CFAP61: variants seen among roughly 807,000 people sequenced by gnomAD.
CFAP61 encodes cilia and flagella associated protein 61, also known as cilia- and flagella-associated protein 61.
Under a neutral mutation model 135.6 loss-of-function variants are expected in CFAP61, and 107 were observed. That is an observed-to-expected ratio of 0.79 (90% CI 0.67 to 0.93). The LOEUF is 0.93. CFAP61 is among the 40% of genes least tolerant of loss of function. The pLI, the probability that CFAP61 is intolerant of heterozygous loss-of-function variation, is 0.00. For synonymous variants in CFAP61, 575 were observed against 578.5 expected (o/e 0.99, Z 0.09); for missense variants, 1,507 against 1,556.2 (o/e 0.97, Z 0.53).
chr20:20,175,694 ATTT>A (rs11087313), intron 13 of CFAP61, among the ~76,000 whole-genome samples: 2 of 149,640 alleles, frequency 1.3e-5, no homozygotes, highest in African/African-American at 4.9e-5. Flanking sequence ...ACCTGACTAA[ATTT>A]TTTTTTTTTA....
chr20:20,346,714 A>T (rs1339525512), intron 26 of CFAP61, among the ~76,000 whole-genome samples: 1 of 152,232 alleles, frequency 6.6e-6, no homozygotes, highest in African/African-American at 2.4e-5. Flanking sequence ...TTTACGAAAG[A>T]TATAACAATT....
chr20:20,299,680 A>C (rs960856066), intron 25 of CFAP61, among the ~76,000 whole-genome samples: 2 of 152,216 alleles, frequency 1.3e-5, no homozygotes, highest in Non-Finnish European at 2.9e-5. Context: ...TCTGTTTAGC[A>C]CGGTGTTTGT....
At chr20:20,253,800 C>T (rs905039015) in intron 20 of CFAP61, 10 of 207,716 alleles carry the variant, frequency 4.8e-5, no homozygotes, top group African/African-American at 1.9e-4. Context: ...TTGAACCTCT[C>T]GATTTGCCTG....
intron 25 of CFAP61, among the ~76,000 whole-genome samples, chr20:20,326,658 T>C (rs2057758375): frequency 6.6e-6 from 1 of 152,210 alleles, no homozygotes. Context: ...CCAAAATCTT[T>C]TTCTACAGAG....
intron 25 of CFAP61, among the ~76,000 whole-genome samples, chr20:20,327,860 G>A (rs6081961): frequency 1 from 149,788 of 149,788 alleles, 74,894 homozygotes; most frequent in Non-Finnish European, 1. Context: ...AGGATTTCTT[G>A]CAAATCTTTC....
chr20:20,343,568 A>G (rs2058526060), intron 26 of CFAP61, among the ~76,000 whole-genome samples: 1 of 152,202 alleles, frequency 6.6e-6, no homozygotes, highest in African/African-American at 2.4e-5. Flanking sequence ...GCAGGAGGCC[A>G]ACCTAACTGG....
intron 8 of CFAP61, among the ~76,000 whole-genome samples, chr20:20,138,347 C>T (rs1017002575): frequency 6.6e-6 from 1 of 152,162 alleles, no homozygotes; most frequent in Non-Finnish European, 1.5e-5. Flanking sequence ...TATTTAGGAC[C>T]CCAGAGCACT....
intron 25 of CFAP61, among the ~76,000 whole-genome samples, chr20:20,298,910 T>C (rs1436386170): frequency 6.6e-6 from 1 of 152,218 alleles, no homozygotes; most frequent in Non-Finnish European, 1.5e-5. Flanking sequence ...CCTTTGTCTT[T>C]TCAAACTCTT....
chr20:20,289,160 C>G (rs543556064), intron 23 of CFAP61, among the ~76,000 whole-genome samples: 1 of 152,232 alleles, frequency 6.6e-6, no homozygotes, highest in Admixed American at 6.5e-5. Flanking sequence ...TACTATGGAC[C>G]ACATCCTAAA....
chr20:20,078,442 C>A (rs949326756), intron 6 of CFAP61, among the ~76,000 whole-genome samples: 1 of 152,088 alleles, frequency 6.6e-6, no homozygotes, highest in Non-Finnish European at 1.5e-5. Flanking sequence ...TATGGTAATT[C>A]AGGGTTTTCA....
chr20:20,160,819 G>A (rs2053333947), intron 10 of CFAP61, among the ~76,000 whole-genome samples: 2 of 152,230 alleles, frequency 1.3e-5, no homozygotes, highest in South Asian at 4.1e-4. Flanking sequence ...GTTTGCAGCA[G>A]GGCAGGCTGT....
chr20:20,172,887 T>G (rs539965173), intron 13 of CFAP61, among the ~76,000 whole-genome samples: 3 of 152,244 alleles, frequency 2.0e-5, no homozygotes, highest in African/African-American at 7.2e-5. Flanking sequence ...TCCACTGTTA[T>G]GATAGCACAC....
chr20:20,077,929 T>C (rs543209124), intron 6 of CFAP61, among the ~76,000 whole-genome samples: 3 of 152,228 alleles, frequency 2.0e-5, no homozygotes, highest in Non-Finnish European at 4.4e-5. Flanking sequence ...TCTTAGTTAA[T>C]TCTCTCTTGG....
chr20:20,097,316 A>G (rs1314467702), intron 7 of CFAP61, among the ~76,000 whole-genome samples: 1 of 152,210 alleles, frequency 6.6e-6, no homozygotes, highest in South Asian at 2.1e-4. Flanking sequence ...CAGTAAATGC[A>G]GGTTTCTAAT....
At chr20:20,066,637 T>TGGACACA (rs1410072269) in intron 2 of CFAP61, among the ~76,000 whole-genome samples, 1 of 151,380 alleles carries the variant, frequency 6.6e-6, no homozygotes, top group African/African-American at 2.4e-5. Context: ...TGAGAACACA[T>TGGACACA]GGACACAGGG....
At chr20:20,163,969 A>C in intron 10 of CFAP61, 81 bp from the exon 11 acceptor site, 4 of 1,174,374 alleles carry the variant, frequency 3.4e-6, no homozygotes, top group Non-Finnish European at 4.8e-6. Flanking sequence ...GGTGTCATGT[A>C]GAGATAATGC....
At chr20:20,280,377 T>G (rs1311452072) in intron 22 of CFAP61, among the ~76,000 whole-genome samples, 2 of 152,184 alleles carry the variant, frequency 1.3e-5, no homozygotes, top group African/African-American at 4.8e-5. Flanking sequence ...ATACTTGGAT[T>G]CTCCAGAACT....
intron 10 of CFAP61, among the ~76,000 whole-genome samples, chr20:20,160,632 C>T (rs1333387836): frequency 6.6e-6 from 1 of 152,196 alleles, no homozygotes; most frequent in Non-Finnish European, 1.5e-5. Context: ...AAACACACAA[C>T]CTGGGAGCAG....
chr20:20,293,591 G>A (rs901477444), intron 24 of CFAP61, among the ~76,000 whole-genome samples: 6 of 152,148 alleles, frequency 3.9e-5, no homozygotes, highest in Non-Finnish European at 7.3e-5. Context: ...CAGAGAAATT[G>A]AATTACTATT....
Sources: gnomAD v4.1 joint callset for allele counts (sites outside exome capture counted in the v4.1 genomes callset) on GRCh38, gnomAD v4.1.1 for gene constraint, MANE v1.5 for transcripts, NCBI Gene and HGNC (gene_info 2026-07-23, HGNC 2026-07-21) for gene names.